SDK2: variants seen among roughly 807,000 people sequenced by gnomAD.
SDK2 encodes protein sidekick-2.
Under a neutral mutation model 253.9 loss-of-function variants are expected in SDK2, and 105 were observed. That is an observed-to-expected ratio of 0.41 (90% CI 0.35 to 0.49). The LOEUF (loss-of-function observed/expected upper bound fraction) is 0.49, where lower values mean the gene tolerates loss of function less well. SDK2 is among the 20% of genes least tolerant of loss of function. The pLI is 0.06. For synonymous variants in SDK2, 1,249 were observed against 1,234.9 expected (o/e 1.01, Z -0.24); for missense variants, 2,608 against 3,003.0 (o/e 0.87, Z 3.07).
Position 73,401,178 on chromosome 17 carries a change from G to A in SDK2, c.2813C>T (p.Thr938Ile). ...CAGGTAGTGGGTCACACGGGTGTTG[G>A]TTCGATTGTACTCCTCCCAGGAGAT... is the stretch of plus-strand genomic sequence containing the variant. Reference protein sequence around the residue: ...YRISWEEYNRTNTRVTHYLPN... With the variant: ...YRISWEEYNRINTRVTHYLPN... The change falls in exon 21 of 45, where the codon ACC becomes ATC. Residue 938 changes from threonine to isoleucine, a missense_variant. Physicochemically the swap from Thr to Ile is moderately conservative, Grantham distance 89. Coordinates refer to ENST00000392650, the MANE Select transcript of SDK2 (RefSeq NM_001144952.2). 1.3e-6 allele frequency: 2 copies of A among 1,555,926 alleles called. No individual in the cohort carries two copies. The highest frequency in any genetic ancestry group is 1.7e-6 in the Non-Finnish European group (2 of 1,149,438).
rs1286955516 is a variant in SDK2, at chr17:73,411,965, TATAC to T, written c.2484+2675_2484+2678del. On this transcript the variant is annotated intron_variant, in intron 18 of 44. Coordinates refer to ENST00000392650, the MANE Select transcript of SDK2 (RefSeq NM_001144952.2). Reference sequence around the variant, plus strand: ...TTTTGTGTGTTTGTGTATATATATATATACGTATATATATATCTACGTATATATA... The same window carrying T: ...TTTTGTGTGTTTGTGTATATATATATGTATATATATATCTACGTATATATA... 1.8e-3 allele frequency among the ~76,000 whole-genome samples: 174 copies of T among 96,558 alleles called. 3 individuals are homozygous for T. The highest frequency in any genetic ancestry group is 5.7e-3 in the Admixed American group (52 of 9,116). 63.3% of individuals were successfully genotyped at this position (96,558 alleles called of 152,430 possible).
Position 73,507,658 on chromosome 17 carries a change from G to A in SDK2, c.65-61C>T, listed in dbSNP as rs1454623342. On this transcript the variant is annotated intron_variant, in intron 1 of 44. Transcript: ENST00000392650. ...CTTGCTCACCTATGTGACCTGGTGCGTTTAGTATCCTAAGGCCCTTAGGCA... is the reference window on the plus strand; with the variant it reads ...CTTGCTCACCTATGTGACCTGGTGCATTTAGTATCCTAAGGCCCTTAGGCA... 50 of 1,509,508 alleles carry A rather than the reference G, an allele frequency of 3.3e-5. 1 individual carries two copies. The highest frequency in any genetic ancestry group is 1.5e-4 in the South Asian group (12 of 79,746). The allele number at this position is 1,509,508 out of a possible 1,614,324, so 93.5% of individuals were successfully genotyped here. A position where few individuals can be genotyped will look rare whatever the true frequency, so the allele number is the denominator to read the frequency against.
intron 1 of SDK2, among the ~76,000 whole-genome samples, chr17:73,586,406 AC>A (rs2045603531): frequency 1.3e-5 from 2 of 152,108 alleles, no homozygotes; most frequent in South Asian, 4.2e-4. Flanking sequence ...CCTCGCTGAG[AC>A]CAAGAGCGTA....
intron 1 of SDK2, among the ~76,000 whole-genome samples, chr17:73,516,386 G>A (rs2064027588): frequency 6.6e-6 from 1 of 152,232 alleles, no homozygotes; most frequent in South Asian, 2.1e-4. Flanking sequence ...CACTAGCTAG[G>A]TGGGGCAGGG....
Position 73,344,179 on chromosome 17 carries a change from C to CTGTG in SDK2, c.6165+4416_6165+4419dup, listed in dbSNP as rs1477201539. On this transcript the variant is annotated intron_variant, in intron 44 of 44. Coordinates refer to ENST00000392650, the MANE Select transcript of SDK2 (RefSeq NM_001144952.2). The stretch of plus-strand genomic sequence containing the variant: ...CAATTTTGTCGAGGCTCTGGGCTCC[C>CTGTG]TGTGTTAAGATAGCTGGAAATCTCC... Among the ~76,000 whole-genome samples, 4 of 152,150 alleles carry CTGTG rather than the reference C, an allele frequency of 2.6e-5. No homozygotes were observed. The East Asian group carries it at 7.7e-4, about 29-fold the overall frequency.
At chr17:73,378,710 G>A (rs540195292) in intron 36 of SDK2, among the ~76,000 whole-genome samples, 4 of 152,310 alleles carry the variant, frequency 2.6e-5, no homozygotes, top group South Asian at 2.1e-4. Flanking sequence ...GTGAGCCACC[G>A]CGCCCAGCCT....
intron 36 of SDK2, among the ~76,000 whole-genome samples, chr17:73,374,401 T>C (rs2062760121): frequency 6.9e-6 from 1 of 144,178 alleles, no homozygotes; most frequent in Non-Finnish European, 1.5e-5. Context: ...TCCTGCTCCA[T>C]CATCCTGTGG....
chr17:73,643,526 C>A lies in SDK2; in HGVS notation c.64+499G>T, dbSNP rs567988995. On this transcript the variant is annotated intron_variant, in intron 1 of 44. Coordinates refer to ENST00000392650, the MANE Select transcript of SDK2 (RefSeq NM_001144952.2). This position sits in a 1 kb window ranked among gnomAD's most constrained non-coding sequence, Gnocchi z 6.9. ...CGTGGCCAAGCCGGGCAATTGCTCTCCCCGGGCGAGCAACCCGGCATCCAG... is the reference window on the plus strand; with the variant it reads ...CGTGGCCAAGCCGGGCAATTGCTCTACCCGGGCGAGCAACCCGGCATCCAG... 1.9e-4 allele frequency among the ~76,000 whole-genome samples: 29 copies of A among 152,242 alleles called. No homozygotes were observed. The South Asian group carries it at 4.8e-3, about 25-fold the overall frequency.
intron 1 of SDK2, among the ~76,000 whole-genome samples, chr17:73,595,680 C>T (rs1385420858): frequency 3.9e-5 from 6 of 152,128 alleles, no homozygotes; most frequent in Non-Finnish European, 8.8e-5. Flanking sequence ...AGCTGGGGTG[C>T]GGGGAGTAGC....
intron 36 of SDK2, among the ~76,000 whole-genome samples, chr17:73,373,237 A>T (rs1406783038): frequency 1.3e-5 from 2 of 152,172 alleles, no homozygotes; most frequent in Admixed American, 6.5e-5. Flanking sequence ...CTGTGTATAA[A>T]CCACATTTTC....
chr17:73,578,465 G>T (rs1315248966), intron 1 of SDK2, among the ~76,000 whole-genome samples: 1 of 152,174 alleles, frequency 6.6e-6, no homozygotes, highest in Non-Finnish European at 1.5e-5. Flanking sequence ...CACATTTGGG[G>T]TCATTTTGTT....
chr17:73,423,561 C>A, intron 13 of SDK2, 39 bp from the exon 14 acceptor site: 1 of 1,488,214 alleles, frequency 6.7e-7, no homozygotes. Context: ...CCTATGTGGT[C>A]TGCAGGCAGG....
Position 73,541,851 on chromosome 17 carries a change from G to A in SDK2, c.65-34254C>T, listed in dbSNP as rs1256442039. Among the ~76,000 whole-genome samples, 3 of 152,086 alleles carry A rather than the reference G, an allele frequency of 2.0e-5. No individual in the cohort carries two copies. Among genetic ancestry groups the A allele is most frequent in the Non-Finnish European group, 2.9e-5 (2 of 68,016 alleles). ...GCCGAGTGGAAGATCCTCGTCAATC[G>A]GGCTCATGGTTTGGTGGAAACCACC... On this transcript the variant is annotated intron_variant, in intron 1 of 44. Transcript: ENST00000392650. This position sits in a 1 kb window ranked among gnomAD's most constrained non-coding sequence, Gnocchi z 4.3.
At chr17:73,458,249 C>A (rs892316652) in intron 3 of SDK2, among the ~76,000 whole-genome samples, 2 of 152,154 alleles carry the variant, frequency 1.3e-5, no homozygotes, top group African/African-American at 4.8e-5. Context: ...CAGACCAGAC[C>A]TGAGTATTTC....
intron 2 of SDK2, among the ~76,000 whole-genome samples, chr17:73,479,972 C>T (rs532800281): frequency 2.3e-4 from 35 of 152,350 alleles, no homozygotes; most frequent in South Asian, 4.1e-4. Flanking sequence ...GGATTACAGG[C>T]GTGAGCCACT....
At chr17:73,624,325 C>T (rs1017935176) in intron 1 of SDK2, among the ~76,000 whole-genome samples, 2 of 152,206 alleles carry the variant, frequency 1.3e-5, no homozygotes, top group Non-Finnish European at 2.9e-5. Flanking sequence ...AAAACCCTGT[C>T]TCTACTAAAA....
intron 1 of SDK2, among the ~76,000 whole-genome samples, chr17:73,581,454 A>G (rs1410243507): frequency 6.6e-6 from 1 of 152,218 alleles, no homozygotes; most frequent in Non-Finnish European, 1.5e-5. Flanking sequence ...CACACAGAGA[A>G]TCTGGGTCTG....
chr17:73,522,427 G>T (rs546693725), intron 1 of SDK2, among the ~76,000 whole-genome samples: 6 of 152,356 alleles, frequency 3.9e-5, no homozygotes, highest in Admixed American at 3.9e-4. Context: ...AGTTGGTGGT[G>T]GGGAGGGCCA....
At chr17:73,440,228 C>T (rs2063404163) in intron 6 of SDK2, among the ~76,000 whole-genome samples, 1 of 151,806 alleles carries the variant, frequency 6.6e-6, no homozygotes, top group South Asian at 2.1e-4. Context: ...CTGTCAGCCT[C>T]CAGAGTAGGT....
Sources: gnomAD v4.1 joint callset for allele counts (sites outside exome capture counted in the v4.1 genomes callset) on GRCh38, gnomAD v4.1.1 for gene constraint, Gnocchi (gnomAD v3.1) non-coding constraint, MANE v1.5 for transcripts, NCBI Gene and HGNC (gene_info 2026-07-23, HGNC 2026-07-21) for gene names.